TNS3: variants seen among roughly 807,000 people sequenced by gnomAD.
TNS3 encodes tensin-3.
TNS3 carries 45 observed loss-of-function variants against 140.9 expected under a neutral mutation model. The observed-to-expected ratio is 0.32, with a 90% confidence interval of 0.25 to 0.41. TNS3 has a LOEUF of 0.41. TNS3 is among the 10% of genes least tolerant of loss of function. The pLI is 1.00. For missense variants in TNS3, 1,716 were observed against 1,906.7 expected (o/e 0.90, Z 1.86); for synonymous variants, 815 against 788.4 (o/e 1.03, Z -0.56).
intron 4 of TNS3, among the ~76,000 whole-genome samples, chr7:47,450,794 C>T (rs1417574092): frequency 1.3e-5 from 2 of 152,316 alleles, no homozygotes; most frequent in East Asian, 1.9e-4. Flanking sequence ...CATGGCACCC[C>T]GTTCCCTGCC....
rs115005562 is a variant in TNS3 at position 47,481,833 on chromosome 7, C to A, written c.-114-692G>T. On this transcript the variant is annotated intron_variant, in intron 3 of 30. Coordinates refer to ENST00000311160, the MANE Select transcript of TNS3 (RefSeq NM_022748.12). ...AGCCACCAGTCCTGCAGGGCAAAGA[C>A]CCCACCTTGGGCAGGATCTCCACCA... 4.1e-3 allele frequency: 1,206 copies of A among 297,680 alleles called. 12 individuals are homozygous for A. Among genetic ancestry groups the A allele is most frequent in the African/African-American group, 0.026 (1,139 of 43,998 alleles). The allele number at this position is 297,680 out of a possible 1,614,324, so 18.4% of individuals were successfully genotyped here. A position where few individuals can be genotyped will look rare whatever the true frequency, so the allele number is the denominator to read the frequency against.
chr7:47,333,698 T>A (rs1788465991), intron 20 of TNS3, among the ~76,000 whole-genome samples: 1 of 152,196 alleles, frequency 6.6e-6, no homozygotes, highest in Non-Finnish European at 1.5e-5. Flanking sequence ...GACAGCTTTT[T>A]CAATAAAAAT....
chr7:47,580,331 A>G (rs796481792), intron 1 of TNS3, among the ~76,000 whole-genome samples: 2 of 152,140 alleles, frequency 1.3e-5, no homozygotes, highest in African/African-American at 4.8e-5. Context: ...TCATAATCCC[A>G]ACTCCCTCCA....
chr7:47,464,982 C>A (rs762231553), intron 4 of TNS3, among the ~76,000 whole-genome samples: 2 of 152,198 alleles, frequency 1.3e-5, no homozygotes, highest in Non-Finnish European at 2.9e-5. Flanking sequence ...TGGATGCCTG[C>A]GCCTTGGCCC....
chr7:47,293,396 T>C (rs1291243474), intron 25 of TNS3, among the ~76,000 whole-genome samples: 2 of 152,208 alleles, frequency 1.3e-5, no homozygotes, highest in Non-Finnish European at 2.9e-5. Flanking sequence ...GGGAGCTCTA[T>C]GTTGTTCCTT....
intron 16 of TNS3, 44 bp from the exon 17 acceptor site, chr7:47,369,665 A>G: frequency 2.6e-6 from 4 of 1,517,810 alleles, no homozygotes; most frequent in African/African-American, 1.4e-5. Flanking sequence ...TCAGGGATGA[A>G]AGTGAGCCTC....
intron 17 of TNS3, among the ~76,000 whole-genome samples, chr7:47,357,842 A>G (rs1397605046): frequency 6.6e-6 from 1 of 152,228 alleles, no homozygotes; most frequent in Non-Finnish European, 1.5e-5. Flanking sequence ...AGGTGGTGGC[A>G]TTTCTTCTAA....
At chr7:47,561,577 AGT>A (rs2151998874) in intron 1 of TNS3, among the ~76,000 whole-genome samples, 2 of 152,300 alleles carry the variant, frequency 1.3e-5, no homozygotes, top group East Asian at 3.9e-4. Context: ...TCACCTCAGA[AGT>A]GTGAGGCTGT....
intron 3 of TNS3, among the ~76,000 whole-genome samples, chr7:47,498,737 A>C (rs912862235): frequency 6.6e-6 from 1 of 152,216 alleles, no homozygotes; most frequent in Non-Finnish European, 1.5e-5. Context: ...CTTCACTCAT[A>C]ACCAGACAGC....
chr7:47,439,152 A>T (rs905554151), intron 6 of TNS3, among the ~76,000 whole-genome samples: 2 of 152,192 alleles, frequency 1.3e-5, no homozygotes, highest in Admixed American at 1.3e-4. Flanking sequence ...GTCTCTTGAT[A>T]CGAGGGATGC....
intron 4 of TNS3, among the ~76,000 whole-genome samples, chr7:47,456,734 A>T (rs1796262228): frequency 6.6e-6 from 1 of 152,010 alleles, no homozygotes; most frequent in Non-Finnish European, 1.5e-5. Context: ...GCAAGCACAC[A>T]CACAACACAG....
chr7:47,292,952 T>C (rs1262820317), intron 25 of TNS3, 47 bp from the exon 26 acceptor site: 3 of 1,548,922 alleles, frequency 1.9e-6, no homozygotes, highest in Non-Finnish European at 2.7e-6. Flanking sequence ...CTGCTGTAGA[T>C]GTTGTGTGCT....
Position 47,280,995 on chromosome 7 carries a change from A to T in TNS3, c.4098-641T>A, listed in dbSNP as rs768159015. Among the ~76,000 whole-genome samples, 7 of 152,000 alleles carry T rather than the reference A, an allele frequency of 4.6e-5. No homozygotes were observed. In the East Asian group the frequency reaches 9.7e-4, roughly 21 times the overall value. ...GGAAGCACCTCTGGCCCTGCCAGACACTGCTGGCTGCAGGATCGTGGGGAA... is the reference window on the plus strand; with the variant it reads ...GGAAGCACCTCTGGCCCTGCCAGACTCTGCTGGCTGCAGGATCGTGGGGAA... On this transcript the variant is annotated intron_variant, in intron 28 of 30. Coordinates refer to ENST00000311160, the MANE Select transcript of TNS3 (RefSeq NM_022748.12).
intron 1 of TNS3, among the ~76,000 whole-genome samples, chr7:47,537,806 T>G (rs1474676243): frequency 6.6e-6 from 1 of 152,082 alleles, no homozygotes; most frequent in Non-Finnish European, 1.5e-5. Context: ...CTAATTTGCT[T>G]CTTCTACTAA....
intron 8 of TNS3, among the ~76,000 whole-genome samples, chr7:47,430,099 A>G (rs548392182): frequency 1.7e-4 from 26 of 151,864 alleles, no homozygotes; most frequent in African/African-American, 5.6e-4. Context: ...TGGATGTATA[A>G]AGCAAGTATT....
intron 1 of TNS3, among the ~76,000 whole-genome samples, chr7:47,568,731 C>T (rs941056168): frequency 1.3e-5 from 2 of 152,228 alleles, no homozygotes; most frequent in Admixed American, 6.5e-5. Flanking sequence ...CAGAACAGTG[C>T]GTTATGGAAA....
intron 1 of TNS3, among the ~76,000 whole-genome samples, chr7:47,555,691 AT>A (rs1562854087): frequency 6.6e-6 from 1 of 152,242 alleles, no homozygotes; most frequent in Non-Finnish European, 1.5e-5. Context: ...CAGCAAAAAG[AT>A]TTTAACTTGC....
At chr7:47,446,972 G>A (rs1795773444) in intron 4 of TNS3, among the ~76,000 whole-genome samples, 1 of 148,360 alleles carries the variant, frequency 6.7e-6, no homozygotes, top group Admixed American at 6.8e-5. Context: ...ACAGGCATGA[G>A]CTTCCGTGCC....
At chr7:47,399,497 G>A (rs942042842) in intron 15 of TNS3, among the ~76,000 whole-genome samples, 2 of 152,148 alleles carry the variant, frequency 1.3e-5, no homozygotes, top group Non-Finnish European at 2.9e-5. Context: ...CAATGGAACA[G>A]AATAGAGAAT....
Sources: allele counts gnomAD v4.1 joint callset (sites outside exome capture counted in the v4.1 genomes callset), GRCh38; gene constraint gnomAD v4.1.1; transcripts MANE v1.5; gene names NCBI Gene and HGNC (gene_info 2026-07-23, HGNC 2026-07-21).